The following WDHD1 variants were observed in gnomAD, a reference collection of about 807,000 sequenced individuals.
WDHD1 encodes WD repeat and HMG-box DNA binding protein 1.
A neutral mutation model predicts 135.4 loss-of-function variants in WDHD1; 111 were observed. The observed-to-expected ratio is 0.82, with a 90% CI of 0.70 to 0.96. The LOEUF is 0.96. Ranked by LOEUF, WDHD1 falls within the 40% of genes least tolerant of loss-of-function variation. The pLI, the probability that WDHD1 is intolerant of heterozygous loss-of-function variation, is 0.00. For missense variants in WDHD1, 1,351 were observed against 1,336.3 expected (o/e 1.01, Z -0.17); for synonymous variants, 434 against 439.0 (o/e 0.99, Z 0.14).
intron 15 of WDHD1, 93 bp downstream of exon 15, chr14:54,984,630 T>C (rs535512262): frequency 1.9e-6 from 2 of 1,049,372 alleles, no homozygotes; most frequent in South Asian, 3.3e-5. Flanking sequence ...TATTCTTAAA[T>C]TAATTAGGAA....
Position 54,987,380 on chromosome 14 carries a change from G to T in WDHD1, c.1534C>A (p.His512Asn). The stretch of plus-strand genomic sequence containing the variant: ...TCCCAAGAACTAAAGTGCAGGCAGT[G>T]AAGCTTGCTAAAAATTAAAACAAGA... ...ESTDELASKL[H>N]CLHFSSWDSS... The change falls in exon 14 of 26, where the codon CAC (histidine) becomes AAC (asparagine). Residue 512 changes from histidine to asparagine, a missense_variant. Physicochemically the swap from His to Asn is moderately conservative, Grantham distance 68. This residue lies in a region of WDHD1 where 1,330 missense variants were observed against 1,296.1 expected (regional missense o/e 1.03). Coordinates refer to ENST00000360586, the MANE Select transcript of WDHD1 (RefSeq NM_007086.4). The T allele has an allele frequency of 1.2e-6, 2 of 1,610,636 alleles. No homozygotes were observed. The highest frequency in any genetic ancestry group is 1.7e-6 in the Non-Finnish European group (2 of 1,178,558).
intron 8 of WDHD1, 56 bp downstream of exon 8, chr14:55,002,037 A>T: frequency 8.0e-7 from 1 of 1,251,236 alleles, no homozygotes; most frequent in Non-Finnish European, 1.1e-6. Context: ...ATTCAGGCAA[A>T]CTACGCATTA....
rs145612447 is a variant in WDHD1, at chr14:54,966,593, C to T, written c.2192G>A (p.Arg731His). ...AAGGTGGTTGTGAAATATAACTGAACGCCAAAATTGCTCCTATAAAAGCAA... is the reference window on the plus strand; with the variant it reads ...AAGGTGGTTGTGAAATATAACTGAATGCCAAAATTGCTCCTATAAAAGCAA... ...EKGQMEEQFW[R>H]SVIFHNHLDY... Residue 731 changes from arginine to histidine, a missense_variant, in exon 18 of 26, where the codon CGT becomes CAT. Arg to His is a conservative substitution (Grantham distance 29). Coordinates refer to ENST00000360586, the MANE Select transcript of WDHD1 (RefSeq NM_007086.4). 41 of 1,604,792 alleles carry T rather than the reference C, an allele frequency of 2.6e-5. No homozygotes were observed. The highest frequency in any genetic ancestry group is 1.7e-4 in the Middle Eastern group (1 of 5,936).
rs2040834918 is a variant in WDHD1 at position 54,941,401 on chromosome 14, T to C, written c.*89A>G. 2 of 1,064,262 alleles carry C rather than the reference T, an allele frequency of 1.9e-6. No homozygotes were observed. Among genetic ancestry groups the C allele is most frequent in the Non-Finnish European group, 2.6e-6 (2 of 758,682 alleles). 65.9% of individuals were successfully genotyped at this position (1,064,262 alleles called of 1,614,324 possible). ...GTTGCTTCAAACTCTTTAAAAAATATATATATAATGAGTTTCCCAAAGACT... is the reference window on the plus strand; with the variant it reads ...GTTGCTTCAAACTCTTTAAAAAATACATATATAATGAGTTTCCCAAAGACT... On this transcript the variant is annotated 3_prime_UTR_variant, in exon 26 of 26. Transcript: ENST00000360586.
chr14:54,959,732 C>T (rs1377386515), intron 21 of WDHD1, among the ~76,000 whole-genome samples: 1 of 152,052 alleles, frequency 6.6e-6, no homozygotes, highest in Non-Finnish European at 1.5e-5. Context: ...TGCATCACTG[C>T]ACTCCAACTC....
At chr14:54,964,099 C>T (rs556442284) in intron 18 of WDHD1, among the ~76,000 whole-genome samples, 2 of 152,036 alleles carry the variant, frequency 1.3e-5, no homozygotes, top group African/African-American at 4.8e-5. Context: ...CAGAGTGAGA[C>T]CCTTTCTCTA....
At chr14:55,024,260 T>G (rs561246085) in intron 2 of WDHD1, among the ~76,000 whole-genome samples, 54 of 152,312 alleles carry the variant, frequency 3.5e-4, no homozygotes, top group African/African-American at 1.3e-3. Context: ...GGTGAATATC[T>G]CAAAGAAATC....
intron 13 of WDHD1, 135 bp from the exon 14 acceptor site, chr14:54,987,522 T>C: frequency 2.9e-6 from 2 of 699,178 alleles, no homozygotes; most frequent in South Asian, 7.7e-5. Context: ...AAGAAGTTGC[T>C]TTAAAAAAGT....
Position 54,944,355 on chromosome 14 carries a change from C to G in WDHD1, c.3166G>C (p.Val1056Leu). 2 of 1,606,914 alleles carry G rather than the reference C, an allele frequency of 1.2e-6. No individual in the cohort carries two copies. Among genetic ancestry groups the G allele is most frequent in the Admixed American group, 1.7e-5 (1 of 57,592 alleles). Residue 1056 changes from valine to leucine, a missense_variant, in exon 25 of 26, where the codon GTA (valine) becomes CTA (leucine). Coordinates refer to ENST00000360586, the MANE Select transcript of WDHD1 (RefSeq NM_007086.4). ...IIKEGMIRFR[V>L]LSTEERKVWA... is the part of the protein sequence containing the mutation. ...ACCTTTCTTTCTTCAGTTGACAATA[C>G]TCTAAATCGAATCATTCCTTCTTTT... is the stretch of plus-strand genomic sequence containing the variant.
At chr14:55,019,205 T>G (rs1298786319) in intron 2 of WDHD1, among the ~76,000 whole-genome samples, 1 of 152,192 alleles carries the variant, frequency 6.6e-6, no homozygotes, top group Non-Finnish European at 1.5e-5. Context: ...AAGAAACTGA[T>G]TAAAGCACAT....
intron 24 of WDHD1, among the ~76,000 whole-genome samples, chr14:54,955,036 A>G (rs1173415516): frequency 6.6e-6 from 1 of 152,250 alleles, no homozygotes; most frequent in African/African-American, 2.4e-5. Context: ...GCCAGTATAA[A>G]GAAGTTCTTT....
intron 7 of WDHD1, 50 bp downstream of exon 7, chr14:55,007,230 A>AC (rs2042086748): frequency 9.1e-6 from 12 of 1,323,340 alleles, no homozygotes; most frequent in Non-Finnish European, 1.2e-5. Context: ...TCCATCTCTA[A>AC]TAAAAAAAAA....
chr14:54,983,452 C>T (rs2041649991), intron 15 of WDHD1, among the ~76,000 whole-genome samples: 1 of 151,640 alleles, frequency 6.6e-6, no homozygotes, highest in Admixed American at 6.6e-5. Context: ...GCGGGTGGAT[C>T]ACATGAGGTC....
At position 55,017,012 on chromosome 14, in the gene WDHD1, C is replaced by T. The variant is rs1269024626; in HGVS notation, c.78-3416G>A. 2.0e-5 allele frequency among the ~76,000 whole-genome samples: 3 copies of T among 152,200 alleles called. No individual in the cohort carries two copies. In the East Asian group the frequency reaches 5.8e-4, roughly 29 times the overall value. ...TCAGGAGTTTTAAATAGAAAATCGC[C>T]CGTATTAATTCCAATAATAGTTTAG... On this transcript the variant is annotated intron_variant, in intron 2 of 25. Transcript: ENST00000360586.
chr14:55,013,720 A>C, intron 2 of WDHD1, 124 bp from the exon 3 acceptor site: 1 of 711,948 alleles, frequency 1.4e-6, no homozygotes, highest in Non-Finnish European at 2.5e-6. Context: ...AGCCTGGATA[A>C]TACAGAGAGA....
At chr14:55,004,850 G>T in intron 7 of WDHD1, 1 of 508,498 alleles carries the variant, frequency 2.0e-6, no homozygotes, top group Non-Finnish European at 3.9e-6. Context: ...GCATTCAGTG[G>T]TCTGAGCAGT....
chr14:54,952,749 A>G (rs957509748), intron 24 of WDHD1, among the ~76,000 whole-genome samples: 3 of 152,224 alleles, frequency 2.0e-5, no homozygotes, highest in African/African-American at 7.2e-5. Flanking sequence ...ACTATACAAA[A>G]CAGCACAGTA....
At chr14:54,964,244 CT>C (rs1260002916) in intron 18 of WDHD1, among the ~76,000 whole-genome samples, 1 of 152,168 alleles carries the variant, frequency 6.6e-6, no homozygotes, top group Non-Finnish European at 1.5e-5. Flanking sequence ...AGCACAAAAG[CT>C]TTAGATATTC....
chr14:54,978,820 A>T (rs2041569920), intron 16 of WDHD1, among the ~76,000 whole-genome samples: 1 of 152,158 alleles, frequency 6.6e-6, no homozygotes, highest in Non-Finnish European at 1.5e-5. Context: ...CTGCTTCATG[A>T]TCTGCCAACA....
Sources: gnomAD v4.1 joint callset for allele counts (sites outside exome capture counted in the v4.1 genomes callset) on GRCh38, gnomAD v4.1.1 for gene constraint, gnomAD v4.1.1 regional missense constraint, MANE v1.5 for transcripts, NCBI Gene and HGNC (gene_info 2026-07-23, HGNC 2026-07-21) for gene names.